ABCG2: variants seen among roughly 807,000 people sequenced by gnomAD.
ABCG2 encodes the protein ATP binding cassette subfamily G member 2 (JR blood group).
In ABCG2, 80 loss-of-function variants were observed where a neutral mutation model predicts 73.5. The observed-to-expected ratio is 1.09, with a 90% CI of 0.91 to 1.31. The LOEUF is 1.31. Ranked by LOEUF, ABCG2 falls within the 50% of genes most tolerant of loss-of-function variation. ABCG2 has a pLI of 0.00. For synonymous variants in ABCG2, 269 were observed against 282.4 expected (o/e 0.95, Z 0.48); for missense variants, 796 against 786.2 (o/e 1.01, Z -0.15).
At chr4:88,146,866 C>G (rs1578228380) in intron 1 of ABCG2, among the ~76,000 whole-genome samples, 1 of 110,610 alleles carries the variant, frequency 9.0e-6, no homozygotes, top group Non-Finnish European at 1.7e-5. Context: ...GTAACCCTGT[C>G]AAAAAGAAAG....
chr4:88,209,146 C>T (rs761505364), intron 1 of ABCG2, among the ~76,000 whole-genome samples: 2 of 151,626 alleles, frequency 1.3e-5, no homozygotes, highest in Admixed American at 1.3e-4. Context: ...CCTGTCTCTA[C>T]TAAAAATACA....
chr4:88,227,516 G>A (rs771237287), intron 1 of ABCG2, among the ~76,000 whole-genome samples: 4 of 152,140 alleles, frequency 2.6e-5, no homozygotes, highest in Non-Finnish European at 5.9e-5. Context: ...TTGTTTGAAG[G>A]TGTGATCTCT....
chr4:88,226,066 G>C (rs966279638), intron 1 of ABCG2, among the ~76,000 whole-genome samples: 7 of 152,144 alleles, frequency 4.6e-5, no homozygotes, highest in African/African-American at 1.7e-4. Context: ...AAAGAGATCT[G>C]GGTGGGGACA....
intron 13 of ABCG2, among the ~76,000 whole-genome samples, 190 bp from the exon 14 acceptor site, chr4:88,095,799 G>C (rs751180912): frequency 6.6e-6 from 1 of 152,108 alleles, no homozygotes; most frequent in Non-Finnish European, 1.5e-5. Flanking sequence ...TCTCTATATA[G>C]CTGAAGTCAT....
intron 10 of ABCG2, among the ~76,000 whole-genome samples, chr4:88,103,028 C>A (rs934645956): frequency 1.3e-5 from 2 of 152,196 alleles, no homozygotes; most frequent in African/African-American, 4.8e-5. Flanking sequence ...ATCCTCCCAG[C>A]TTGGCCTCCC....
intron 1 of ABCG2, among the ~76,000 whole-genome samples, chr4:88,186,448 C>T (rs1728457730): frequency 6.6e-6 from 1 of 152,094 alleles, no homozygotes. Context: ...GCCTGGGCAA[C>T]ATAGTGAGAC....
At chr4:88,196,034 T>C (rs184215806) in intron 1 of ABCG2, among the ~76,000 whole-genome samples, 51 of 152,298 alleles carry the variant, frequency 3.3e-4, no homozygotes, top group African/African-American at 1.2e-3. Context: ...GGAGACGACC[T>C]TTCCCTGGCG....
chr4:88,213,739 G>A (rs1327338919), intron 1 of ABCG2, among the ~76,000 whole-genome samples: 3 of 151,990 alleles, frequency 2.0e-5, no homozygotes, highest in African/African-American at 7.3e-5. Flanking sequence ...CTAGAGTGCA[G>A]TGGTGCGATC....
intron 5 of ABCG2, among the ~76,000 whole-genome samples, chr4:88,124,135 G>A (rs1724212455): frequency 6.6e-6 from 1 of 152,148 alleles, no homozygotes; most frequent in African/African-American, 2.4e-5. Context: ...TCACCACCAG[G>A]CCTGCCTTTC....
chr4:88,157,172 T>C (rs1727001751), intron 1 of ABCG2, among the ~76,000 whole-genome samples: 1 of 152,182 alleles, frequency 6.6e-6, no homozygotes, highest in Non-Finnish European at 1.5e-5. Context: ...GTGACATTTT[T>C]CCCCAAAATG....
At chr4:88,180,608 A>T (rs542468697) in intron 1 of ABCG2, among the ~76,000 whole-genome samples, 2 of 152,180 alleles carry the variant, frequency 1.3e-5, no homozygotes, top group Non-Finnish European at 1.5e-5. Context: ...TTTTTATGGA[A>T]ATGGTGGTGT....
At chr4:88,123,644 CT>C (rs1724174423) in intron 5 of ABCG2, among the ~76,000 whole-genome samples, 1 of 151,998 alleles carries the variant, frequency 6.6e-6, no homozygotes, top group African/African-American at 2.4e-5. Context: ...CAAACAAAGC[CT>C]TCAAGAAATA....
At chr4:88,108,082 G>C (rs1722877078) in intron 9 of ABCG2, among the ~76,000 whole-genome samples, 3 of 152,186 alleles carry the variant, frequency 2.0e-5, no homozygotes, top group African/African-American at 7.2e-5. Flanking sequence ...AGCTCCTAAG[G>C]AGACTGGACA....
At chr4:88,195,964 A>G (rs1728927343) in intron 1 of ABCG2, among the ~76,000 whole-genome samples, 1 of 152,192 alleles carries the variant, frequency 6.6e-6, no homozygotes, top group African/African-American at 2.4e-5. Context: ...CCATTCGCCC[A>G]GCTCCTGAGA....
intron 1 of ABCG2, among the ~76,000 whole-genome samples, chr4:88,211,645 C>T (rs1439070201): frequency 6.6e-6 from 1 of 152,148 alleles, no homozygotes; most frequent in Non-Finnish European, 1.5e-5. Flanking sequence ...GCTCGATCTC[C>T]TGACCACGTG....
intron 2 of ABCG2, among the ~76,000 whole-genome samples, chr4:88,132,991 C>T (rs182485545): frequency 6.6e-6 from 1 of 152,226 alleles, no homozygotes; most frequent in East Asian, 1.9e-4. Context: ...AGAAAAATGG[C>T]ATAGATTCCT....
chr4:88,217,765 G>A (rs7670676), intron 1 of ABCG2, among the ~76,000 whole-genome samples: 6,451 of 152,072 alleles, frequency 0.042, 210 homozygotes, highest in East Asian at 0.077. Context: ...CTTGAAGCCA[G>A]GAGTTCAAGG....
chr4:88,186,735 C>T (rs949766983), intron 1 of ABCG2, among the ~76,000 whole-genome samples: 3 of 150,836 alleles, frequency 2.0e-5, no homozygotes, highest in African/African-American at 7.3e-5. Context: ...CCGGCTAAAA[C>T]GGTGAAACCC....
chr4:88,213,770 C>G (rs1276626808), intron 1 of ABCG2, among the ~76,000 whole-genome samples: 1 of 151,120 alleles, frequency 6.6e-6, no homozygotes, highest in Non-Finnish European at 1.5e-5. Flanking sequence ...TCAACCTCCG[C>G]CTCCCGGATT....
Sources: allele counts gnomAD v4.1 joint callset (sites outside exome capture counted in the v4.1 genomes callset), GRCh38; gene constraint gnomAD v4.1.1; transcripts MANE v1.5; gene names NCBI Gene and HGNC (gene_info 2026-07-23, HGNC 2026-07-21).